ARHGAP12: variants seen among roughly 807,000 people sequenced by gnomAD.
ARHGAP12 encodes rho GTPase-activating protein 12.
A neutral mutation model predicts 108.6 loss-of-function variants in ARHGAP12; 64 were observed. That is an observed-to-expected ratio of 0.59 (90% confidence interval 0.48 to 0.73). ARHGAP12 has a LOEUF of 0.73. Among genes scored for constraint, ARHGAP12 ranks in the 30% least tolerant of loss-of-function variants. The pLI, the probability that ARHGAP12 is intolerant of heterozygous loss-of-function variation, is 0.00. For synonymous variants in ARHGAP12, 312 were observed against 337.2 expected, an observed-to-expected ratio of 0.93 and a Z score of 0.82; for missense variants, 940 against 1,005.9, an observed-to-expected ratio of 0.93 and a Z score of 0.89.
intron 3 of ARHGAP12, among the ~76,000 whole-genome samples, chr10:31,904,396 A>G (rs1382132160): frequency 1.3e-5 from 2 of 152,218 alleles, no homozygotes; most frequent in East Asian, 1.9e-4. Context: ...TTCAAATGAC[A>G]AAAGTATAGC....
rs1326820139 is a variant in ARHGAP12 at position 31,884,005 on chromosome 10, A to ACGCC, written c.685-22351_685-22348dup. ...GCTGGGGCTACAGGCATGAGCCACT[A>ACGCC]CGCCTGGCCTAAACTTTTTGTAAGC... On this transcript the variant is annotated intron_variant, in intron 3 of 19. Coordinates refer to ENST00000344936, the MANE Select transcript of ARHGAP12 (RefSeq NM_018287.7). 9.3e-5 allele frequency among the ~76,000 whole-genome samples: 14 copies of ACGCC among 151,250 alleles called. No individual in the cohort carries two copies. The South Asian group carries it at 2.9e-3, about 31-fold the overall frequency.
At chr10:31,922,180 CAAAAAAAAAAAAAAAAAAAAAAAAA>C (rs56210740) in intron 1 of ARHGAP12, among the ~76,000 whole-genome samples, 1 of 66,120 alleles carries the variant, frequency 1.5e-5, no homozygotes, top group Non-Finnish European at 2.8e-5. Flanking sequence ...GACCCTGCCT[CAAAAAAAAAAAAAAAAAAAAAAAAA>C]AAAAAAAAAA....
intron 3 of ARHGAP12, among the ~76,000 whole-genome samples, chr10:31,896,628 A>C (rs1182417494): frequency 6.6e-6 from 1 of 152,186 alleles, no homozygotes; most frequent in Non-Finnish European, 1.5e-5. Flanking sequence ...AGGGGGAAAA[A>C]AAGGGCTTCA....
chr10:31,841,482 C>T (rs1337636443), intron 7 of ARHGAP12, among the ~76,000 whole-genome samples: 1 of 152,150 alleles, frequency 6.6e-6, no homozygotes, highest in Non-Finnish European at 1.5e-5. Flanking sequence ...ATATGACACT[C>T]TCTCATGATG....
intron 3 of ARHGAP12, among the ~76,000 whole-genome samples, chr10:31,875,190 G>T (rs926222145): frequency 6.6e-6 from 1 of 151,826 alleles, no homozygotes; most frequent in South Asian, 2.1e-4. Flanking sequence ...AATGCTTACG[G>T]GAGAAAAAGG....
intron 5 of ARHGAP12, among the ~76,000 whole-genome samples, chr10:31,853,533 C>A (rs1836776659): frequency 6.6e-6 from 1 of 152,164 alleles, no homozygotes; most frequent in Admixed American, 6.5e-5. Flanking sequence ...AGCCTAGCCC[C>A]ACTTATTCCC....
At chr10:31,898,537 A>G (rs1005751071) in intron 3 of ARHGAP12, among the ~76,000 whole-genome samples, 1 of 152,182 alleles carries the variant, frequency 6.6e-6, no homozygotes, top group Admixed American at 6.5e-5. Flanking sequence ...AGGCGTGAGC[A>G]CCGCACCTGG....
chr10:31,821,141 C>T (rs970219628), intron 11 of ARHGAP12, among the ~76,000 whole-genome samples: 3 of 152,102 alleles, frequency 2.0e-5, no homozygotes, highest in African/African-American at 7.2e-5. Flanking sequence ...AAACAGAAAA[C>T]ACTAAGTCCC....
chr10:31,923,881 C>G (rs1323910205), intron 1 of ARHGAP12, among the ~76,000 whole-genome samples: 2 of 152,150 alleles, frequency 1.3e-5, no homozygotes, highest in Admixed American at 6.6e-5. Flanking sequence ...CAGGTATATA[C>G]ATATGTCAAA....
intron 15 of ARHGAP12, among the ~76,000 whole-genome samples, chr10:31,812,157 C>T (rs922427612): frequency 5.9e-5 from 9 of 151,820 alleles, no homozygotes; most frequent in African/African-American, 1.2e-4. Context: ...GAATTAAACA[C>T]GCTCGTAAGA....
intron 4 of ARHGAP12, among the ~76,000 whole-genome samples, chr10:31,855,174 G>A (rs998438641): frequency 2.0e-5 from 3 of 151,504 alleles, no homozygotes; most frequent in African/African-American, 7.3e-5. Flanking sequence ...AAGGTAATAC[G>A]GGTACACATG....
In ARHGAP12 at chr10:31,818,022, A is replaced by G. The variant is rs1835272157; in HGVS notation, c.1633-136T>C. ...TATTATGTAACAATGATGCAAGGTT[A>G]AAGGACTACACGGCTATGGAATACC... On this transcript the variant is annotated intron_variant, in intron 12 of 19. Transcript: ENST00000344936. The G allele has an allele frequency of 1.2e-5, 8 of 642,870 alleles. No homozygotes were observed. The South Asian group carries it at 1.4e-4, about 12-fold the overall frequency. The allele number at this position is 642,870 out of a possible 1,614,324, so 39.8% of individuals were successfully genotyped here.
At chr10:31,845,067 C>A (rs1320192799) in intron 6 of ARHGAP12, among the ~76,000 whole-genome samples, 1 of 152,124 alleles carries the variant, frequency 6.6e-6, no homozygotes, top group Non-Finnish European at 1.5e-5. Flanking sequence ...CTGAAAATTT[C>A]TTTATTAAAA....
At chr10:31,862,074 A>C (rs891601032) in intron 3 of ARHGAP12, among the ~76,000 whole-genome samples, 3 of 152,264 alleles carry the variant, frequency 2.0e-5, no homozygotes, top group African/African-American at 7.2e-5. Context: ...ATTTTAGGCA[A>C]TACTTTAAAA....
At chr10:31,891,568 C>T (rs960867390) in intron 3 of ARHGAP12, among the ~76,000 whole-genome samples, 18 of 151,834 alleles carry the variant, frequency 1.2e-4, no homozygotes, top group African/African-American at 4.4e-4. Flanking sequence ...CTTGGAGTTG[C>T]TCTTCTCGAG....
chr10:31,852,142 G>A (rs957695904), intron 6 of ARHGAP12, among the ~76,000 whole-genome samples: 1 of 152,056 alleles, frequency 6.6e-6, no homozygotes, highest in African/African-American at 2.4e-5. Context: ...TGAATACTGA[G>A]TTACTTTTCT....
chr10:31,826,715 T>C, intron 10 of ARHGAP12: 1 of 202,300 alleles, frequency 4.9e-6, no homozygotes, highest in Non-Finnish European at 9.8e-6. Context: ...GTCACACAAG[T>C]GGAATATTGT....
chr10:31,888,469 C>G (rs1838269734), intron 3 of ARHGAP12, among the ~76,000 whole-genome samples: 1 of 152,234 alleles, frequency 6.6e-6, no homozygotes, highest in South Asian at 2.1e-4. Flanking sequence ...CAAAACTTGT[C>G]TACAGCCACG....
At chr10:31,876,556 A>G (rs1231468709) in intron 3 of ARHGAP12, among the ~76,000 whole-genome samples, 1 of 151,750 alleles carries the variant, frequency 6.6e-6, no homozygotes, top group East Asian at 1.9e-4. Flanking sequence ...CAAAAAAAAA[A>G]AAAACCCACT....
Sources: gnomAD v4.1 joint callset for allele counts (sites outside exome capture counted in the v4.1 genomes callset) on GRCh38, gnomAD v4.1.1 for gene constraint, MANE v1.5 for transcripts, NCBI Gene and HGNC (gene_info 2026-07-23, HGNC 2026-07-21) for gene names.